FUBP3: variants seen among roughly 807,000 people sequenced by gnomAD.
The protein encoded by FUBP3 is far upstream element-binding protein 3.
Under a neutral mutation model 85.6 loss-of-function variants are expected in FUBP3, and 28 were observed. The observed-to-expected ratio is 0.33, with a 90% CI of 0.24 to 0.45. The LOEUF is 0.45. FUBP3 is among the 20% of genes least tolerant of loss of function. The pLI is 1.00. For synonymous variants in FUBP3, 271 were observed against 271.4 expected, an observed-to-expected ratio of 1.00 and a Z score of 0.01; for missense variants, 583 against 755.1, an observed-to-expected ratio of 0.77 and a Z score of 2.67.
chr9:130,592,121 A>G (rs183557907), intron 1 of FUBP3, among the ~76,000 whole-genome samples: 5 of 152,304 alleles, frequency 3.3e-5, no homozygotes, highest in African/African-American at 1.2e-4. Context: ...AATCCCAGCT[A>G]CTCAAGAGGC....
At chr9:130,628,989 G>A (rs911485796) in intron 12 of FUBP3, among the ~76,000 whole-genome samples, 32 of 152,116 alleles carry the variant, frequency 2.1e-4, no homozygotes, top group Non-Finnish European at 1.3e-4. Context: ...GGCTGGTCTC[G>A]AACTCCCAAC....
chr9:130,635,877 C>T lies in FUBP3; in HGVS notation c.1583-122C>T. 6.0e-6 allele frequency: 6 copies of T among 1,006,766 alleles called. No individual in the cohort carries two copies. The highest frequency in any genetic ancestry group is 8.8e-6 in the Non-Finnish European group (6 of 679,844). 62.4% of individuals were successfully genotyped at this position (1,006,766 alleles called of 1,614,324 possible). ...TGCAACACCAGCCTCACCTCACTGC[C>T]TCCCAGACCTCCCTGCCTTCCAGCC... is the stretch of plus-strand genomic sequence containing the variant. On this transcript the variant is annotated intron_variant, in intron 17 of 18. Coordinates refer to ENST00000319725, the MANE Select transcript of FUBP3 (RefSeq NM_003934.2). This position sits in a 1 kb window ranked among gnomAD's most constrained non-coding sequence, Gnocchi z 4.3.
chr9:130,586,578 A>C (rs1285786712), intron 1 of FUBP3, among the ~76,000 whole-genome samples: 1 of 151,836 alleles, frequency 6.6e-6, no homozygotes, highest in African/African-American at 2.4e-5. Context: ...CTCATTTTAT[A>C]TTTGAAAATA....
rs1160876190 is a variant in FUBP3, at chr9:130,612,203, G to A, written c.225-253G>A. Among the ~76,000 whole-genome samples, 1 of 152,162 alleles carries A rather than the reference G, an allele frequency of 6.6e-6. No individual in the cohort carries two copies. Among genetic ancestry groups the A allele is most frequent in the African/African-American group, 2.4e-5 (1 of 41,442 alleles). The stretch of plus-strand genomic sequence containing the variant: ...AAGGCAGCTGTTAGAGGAGGTGATG[G>A]TTTCATGAAAACCCTGAGGTTTCTT... On this transcript the variant is annotated intron_variant, in intron 3 of 18. Coordinates refer to ENST00000319725, the MANE Select transcript of FUBP3 (RefSeq NM_003934.2). This position sits in a 1 kb window ranked among gnomAD's most constrained non-coding sequence, Gnocchi z 4.1.
rs569089752 is a variant in FUBP3 at position 130,597,455 on chromosome 9, A to T, written c.190+1867A>T. ...CAGCCTTTGGAAATCTTTATTGCTA[A>T]GAAAAATGTGCCAGAATTCCGGCCG... is the stretch of plus-strand genomic sequence containing the variant. On this transcript the variant is annotated intron_variant, in intron 2 of 18. Coordinates refer to ENST00000319725, the MANE Select transcript of FUBP3 (RefSeq NM_003934.2). 5.3e-5 allele frequency among the ~76,000 whole-genome samples: 8 copies of T among 152,360 alleles called. No individual in the cohort carries two copies. In the South Asian group the frequency reaches 1.7e-3, roughly 32 times the overall value.
intron 1 of FUBP3, among the ~76,000 whole-genome samples, chr9:130,583,206 G>GT (rs1214237284): frequency 1.3e-5 from 2 of 152,182 alleles, no homozygotes; most frequent in Non-Finnish European, 2.9e-5. Flanking sequence ...GTTGATTGGT[G>GT]TGGGGCCTCA....
intron 18 of FUBP3, among the ~76,000 whole-genome samples, chr9:130,636,461 G>A (rs750663): frequency 0.075 from 11,390 of 152,282 alleles, 849 homozygotes; most frequent in East Asian, 0.18. Flanking sequence ...AACCGTAAAG[G>A]AGCAAGTGCA....
chr9:130,627,715 G>A (rs551308659), intron 12 of FUBP3, among the ~76,000 whole-genome samples: 16 of 152,366 alleles, frequency 1.1e-4, no homozygotes, highest in African/African-American at 1.9e-4. Context: ...TACCCAGGCC[G>A]TCAGCCTGAC....
At chr9:130,598,934 G>A (rs1257850805) in intron 2 of FUBP3, among the ~76,000 whole-genome samples, 1 of 152,190 alleles carries the variant, frequency 6.6e-6, no homozygotes, top group East Asian at 1.9e-4. Context: ...AGGCTGAGGT[G>A]GTGGGAAAGC....
chr9:130,606,588 A>T (rs1018326962), intron 2 of FUBP3, among the ~76,000 whole-genome samples: 3 of 152,064 alleles, frequency 2.0e-5, no homozygotes, highest in Non-Finnish European at 4.4e-5. Context: ...TGGGAGGCTA[A>T]AGTGGGCGGA....
intron 10 of FUBP3, among the ~76,000 whole-genome samples, chr9:130,623,354 T>G (rs1342392397): frequency 6.6e-6 from 1 of 152,174 alleles, no homozygotes; most frequent in Non-Finnish European, 1.5e-5. Flanking sequence ...AAGCTTTGTT[T>G]TAGTTCTTTA....
chr9:130,625,106 G>A (rs1441091176), intron 11 of FUBP3, among the ~76,000 whole-genome samples: 1 of 152,222 alleles, frequency 6.6e-6, no homozygotes, highest in Non-Finnish European at 1.5e-5. Flanking sequence ...CTACTCAGGA[G>A]GCTGAGGCAG....
At chr9:130,604,480 G>A (rs1831319265) in intron 2 of FUBP3, among the ~76,000 whole-genome samples, 1 of 152,212 alleles carries the variant, frequency 6.6e-6, no homozygotes, top group Non-Finnish European at 1.5e-5. Context: ...GTCATTAGCT[G>A]TTTGACCTTG....
chr9:130,611,454 T>C (rs1197866147), intron 3 of FUBP3, among the ~76,000 whole-genome samples: 1 of 152,166 alleles, frequency 6.6e-6, no homozygotes, highest in Non-Finnish European at 1.5e-5. Context: ...GTTCATAAGC[T>C]TGAGGGTGTA....
chr9:130,630,275 C>A (rs1354799751), intron 12 of FUBP3, among the ~76,000 whole-genome samples: 2 of 152,226 alleles, frequency 1.3e-5, no homozygotes, highest in African/African-American at 4.8e-5. Context: ...GCGGGAGCCC[C>A]ACAGCTGGCC....
chr9:130,602,901 T>TA (rs1831225247), intron 2 of FUBP3, among the ~76,000 whole-genome samples: 1 of 152,078 alleles, frequency 6.6e-6, no homozygotes, highest in South Asian at 2.1e-4. Flanking sequence ...CCCTGAAGGT[T>TA]ATGCCCTTCC....
intron 1 of FUBP3, among the ~76,000 whole-genome samples, chr9:130,593,469 T>C (rs144916609): frequency 2.0e-5 from 3 of 152,346 alleles, no homozygotes; most frequent in East Asian, 1.9e-4. Context: ...AGGAATCTTA[T>C]TATCTTTTCA....
intron 1 of FUBP3, among the ~76,000 whole-genome samples, chr9:130,594,070 C>T (rs572732755): frequency 6.6e-6 from 1 of 152,280 alleles, no homozygotes; most frequent in Non-Finnish European, 1.5e-5. Context: ...TATGTTACAT[C>T]TCTTTAGATC....
chr9:130,622,752 C>A lies in FUBP3; in HGVS notation c.816C>A (p.Asn272Lys). The stretch of plus-strand genomic sequence containing the variant: ...CTGTGGGGATTGTAATAGGAAGAAA[C>A]GGGGAAATGATCAAAAAGATCCAGA... ...RFAVGIVIGR[N>K]GEMIKKIQND... Residue 272 changes from asparagine (N) to lysine (K), a missense_variant, in exon 10 of 19, where the codon AAC becomes AAA. Asn to Lys is a moderately conservative substitution (Grantham distance 94). This residue lies in a region of FUBP3 where 404 missense variants were observed against 516.8 expected (regional missense o/e 0.78). Coordinates refer to ENST00000319725, the MANE Select transcript of FUBP3 (RefSeq NM_003934.2). 6.3e-7 allele frequency: 1 copy of A among 1,597,974 alleles called. No homozygotes were observed. The highest frequency in any genetic ancestry group is 8.5e-7 in the Non-Finnish European group (1 of 1,169,726).
Sources: allele counts gnomAD v4.1 joint callset (sites outside exome capture counted in the v4.1 genomes callset), GRCh38; gene constraint gnomAD v4.1.1; regional missense constraint gnomAD v4.1.1; non-coding constraint Gnocchi (gnomAD v3.1); transcripts MANE v1.5; gene names NCBI Gene and HGNC (gene_info 2026-07-23, HGNC 2026-07-21).